MECOM: variants seen among roughly 807,000 people sequenced by gnomAD.
MECOM encodes the protein histone-lysine N-methyltransferase MECOM.
A neutral mutation model predicts 116.3 loss-of-function variants in MECOM; 13 were observed. That is an observed-to-expected ratio of 0.11 (90% confidence interval 0.07 to 0.18). MECOM has a LOEUF of 0.18. Ranked by LOEUF, MECOM falls within the 10% of genes least tolerant of loss-of-function variation. The pLI, the probability that MECOM is intolerant of heterozygous loss-of-function variation, is 1.00. For missense variants in MECOM, 1,299 were observed against 1,509.0 expected (o/e 0.86, Z 2.31); for synonymous variants, 528 against 535.2 (o/e 0.99, Z 0.19).
chr3:169,183,620 C>T (rs1205192412), intron 2 of MECOM, among the ~76,000 whole-genome samples: 1 of 152,000 alleles, frequency 6.6e-6, no homozygotes, highest in Non-Finnish European at 1.5e-5. Context: ...AGCAGCTCCT[C>T]CTGCCTCACA....
chr3:169,488,372 C>CAAAAAA (rs758493062), intron 1 of MECOM, among the ~76,000 whole-genome samples: 24 of 62,396 alleles, frequency 3.8e-4, no homozygotes, highest in Non-Finnish European at 5.9e-4. Context: ...ACTAAAAATA[C>CAAAAAA]AAAAAAAAAA....
intron 2 of MECOM, among the ~76,000 whole-genome samples, chr3:169,297,253 T>C (rs1715793384): frequency 6.6e-6 from 1 of 152,214 alleles, no homozygotes; most frequent in Non-Finnish European, 1.5e-5. Flanking sequence ...TTGGTTATAA[T>C]CTAACAGGCT....
chr3:169,512,947 T>C (rs1379760847), intron 1 of MECOM, among the ~76,000 whole-genome samples: 1 of 152,236 alleles, frequency 6.6e-6, no homozygotes, highest in Non-Finnish European at 1.5e-5. Flanking sequence ...ACAGAAGCTC[T>C]GTACAAAAAT....
intron 2 of MECOM, among the ~76,000 whole-genome samples, chr3:169,276,552 CAAAAA>C (rs58452538): frequency 2.1e-5 from 1 of 47,774 alleles, no homozygotes; most frequent in African/African-American, 7.3e-5. Context: ...GACTCTGCCT[CAAAAA>C]AAAAAAAAAA....
In MECOM at chr3:169,413,110, C is replaced by A. The variant is rs150270120; in HGVS notation, c.38-31586G>T. ...CTCTGATCTGCAGCTCCCAGTGAGA[C>A]CAATGCAGAAGGCAGGTGATTTCTG... On this transcript the variant is annotated intron_variant, in intron 1 of 16. Coordinates refer to ENST00000651503, the MANE Select transcript of MECOM (RefSeq NM_004991.4). Among the ~76,000 whole-genome samples, 659 of 152,338 alleles carry A rather than the reference C, an allele frequency of 4.3e-3. 3 individuals are homozygous for A. Among genetic ancestry groups the A allele is most frequent in the Non-Finnish European group, 7.1e-3 (484 of 68,028 alleles).
intron 1 of MECOM, among the ~76,000 whole-genome samples, chr3:169,387,481 A>C (rs1237801070): frequency 3.9e-5 from 6 of 152,220 alleles, no homozygotes. Flanking sequence ...TTTCACCATT[A>C]ATGCCCATCA....
rs188966742 is a variant in MECOM at position 169,264,703 on chromosome 3, G to A, written c.375+116484C>T. On this transcript the variant is annotated intron_variant, in intron 2 of 16. Transcript: ENST00000651503. ...CCTTCCAACTATGAGACATATCTCC[G>A]CTTCAAATACACTGTCCAAATTACC... 1.2e-3 allele frequency among the ~76,000 whole-genome samples: 185 copies of A among 152,224 alleles called. 1 individual carries two copies. The highest frequency in any genetic ancestry group is 3.7e-3 in the African/African-American group (155 of 41,548).
intron 1 of MECOM, among the ~76,000 whole-genome samples, chr3:169,527,348 A>G (rs762078549): frequency 2.8e-4 from 43 of 152,260 alleles, no homozygotes; most frequent in Non-Finnish European, 5.3e-4. Flanking sequence ...ATTAAACTCC[A>G]TGTATCACTA....
intron 1 of MECOM, among the ~76,000 whole-genome samples, chr3:169,552,105 C>G (rs1761470620): frequency 6.8e-6 from 1 of 146,504 alleles, no homozygotes; most frequent in South Asian, 2.2e-4. Flanking sequence ...TGGAATCAGA[C>G]AGTGGTAATG....
At chr3:169,163,868 A>G (rs1743196581) in intron 2 of MECOM, among the ~76,000 whole-genome samples, 1 of 152,174 alleles carries the variant, frequency 6.6e-6, no homozygotes, top group Non-Finnish European at 1.5e-5. Context: ...TAAACATTAG[A>G]TTAATAAAAG....
In MECOM at chr3:169,453,630, C is replaced by T. The variant is rs1301326921; in HGVS notation, c.38-72106G>A. 2.2e-4 allele frequency among the ~76,000 whole-genome samples: 33 copies of T among 152,224 alleles called. No homozygotes were observed. The East Asian group carries it at 2.5e-3, about 12-fold the overall frequency. On this transcript the variant is annotated intron_variant, in intron 1 of 16. Transcript: ENST00000651503. ...GTGTCTGGCCTATTCTGCATAAACA[C>T]GGGCACTTCATATTATTAAGGAGTC...
chr3:169,175,548 CA>C (rs1745034829), intron 2 of MECOM, among the ~76,000 whole-genome samples: 1 of 152,062 alleles, frequency 6.6e-6, no homozygotes, highest in South Asian at 2.1e-4. Context: ...TTCCAAAATC[CA>C]AAAGAATCTG....
intron 10 of MECOM, among the ~76,000 whole-genome samples, chr3:169,104,943 T>C (rs994729108): frequency 4.6e-5 from 7 of 151,958 alleles, no homozygotes; most frequent in Non-Finnish European, 7.4e-5. Flanking sequence ...TTAAAGGTAA[T>C]AGGAAAAAGA....
At chr3:169,388,107 A>G (rs762370495) in intron 1 of MECOM, among the ~76,000 whole-genome samples, 1 of 152,070 alleles carries the variant, frequency 6.6e-6, no homozygotes, top group African/African-American at 2.4e-5. Flanking sequence ...GGAGGAGAAC[A>G]GCTCGGCCAA....
At chr3:169,606,858 A>G (rs1258899472) in intron 1 of MECOM, among the ~76,000 whole-genome samples, 1 of 152,230 alleles carries the variant, frequency 6.6e-6, no homozygotes, top group African/African-American at 2.4e-5. Context: ...TAATTTAAAC[A>G]TAATTCTGTT....
chr3:169,340,593 C>T (rs1017951424), intron 2 of MECOM, among the ~76,000 whole-genome samples: 5 of 151,994 alleles, frequency 3.3e-5, no homozygotes, highest in Admixed American at 6.6e-5. Flanking sequence ...TGATCATCAC[C>T]GCACCAATAT....
chr3:169,454,723 T>G (rs1361780470), intron 1 of MECOM, among the ~76,000 whole-genome samples: 1 of 152,200 alleles, frequency 6.6e-6, no homozygotes, highest in Non-Finnish European at 1.5e-5. Context: ...GTTTAAAAAC[T>G]GAAAAGTGAC....
intron 1 of MECOM, among the ~76,000 whole-genome samples, chr3:169,401,267 A>T (rs1432727170): frequency 6.6e-6 from 1 of 152,298 alleles, no homozygotes; most frequent in East Asian, 1.9e-4. Context: ...TCCCCTACTC[A>T]AAAAACATAC....
intron 2 of MECOM, among the ~76,000 whole-genome samples, chr3:169,341,729 G>A: frequency 8.4e-6 from 1 of 119,116 alleles, no homozygotes; most frequent in South Asian, 2.4e-4. Context: ...GACAGAGTGA[G>A]ACTCCCTCTC....
Sources: gnomAD v4.1 joint callset for allele counts (sites outside exome capture counted in the v4.1 genomes callset) on GRCh38, gnomAD v4.1.1 for gene constraint, MANE v1.5 for transcripts, NCBI Gene and HGNC (gene_info 2026-07-23, HGNC 2026-07-21) for gene names.